The following CSMD3 variants were observed in gnomAD, a reference collection of about 807,000 sequenced individuals.
CSMD3 encodes CUB and sushi domain-containing protein 3.
In CSMD3, 177 loss-of-function variants were observed where a neutral mutation model predicts 435.2. The observed-to-expected ratio is 0.41, with a 90% CI of 0.36 to 0.46. The LOEUF is 0.46. CSMD3 is among the 20% of genes least tolerant of loss of function. The pLI is 0.34. For missense variants in CSMD3, 4,265 were observed against 4,504.6 expected (o/e 0.95, Z 1.52); for synonymous variants, 1,656 against 1,520.5 (o/e 1.09, Z -2.07).
chr8:113,371,396 C>T (rs1563754993), intron 1 of CSMD3, among the ~76,000 whole-genome samples: 1 of 151,970 alleles, frequency 6.6e-6, no homozygotes, highest in African/African-American at 2.4e-5. Context: ...AATACATATG[C>T]AACTGTGCAG....
At chr8:112,305,169 G>A (rs190713434) in intron 51 of CSMD3, among the ~76,000 whole-genome samples, 7 of 152,224 alleles carry the variant, frequency 4.6e-5, no homozygotes, top group Admixed American at 4.6e-4. Flanking sequence ...TAGAATCCCA[G>A]TTGTTGGCTT....
intron 23 of CSMD3, among the ~76,000 whole-genome samples, chr8:112,575,641 T>C (rs1829883174): frequency 6.6e-6 from 1 of 152,132 alleles, no homozygotes; most frequent in South Asian, 2.1e-4. Flanking sequence ...AATGTATCTG[T>C]CTTCAACAAA....
intron 28 of CSMD3, among the ~76,000 whole-genome samples, chr8:112,507,747 G>C (rs1822682977): frequency 6.6e-6 from 1 of 152,134 alleles, no homozygotes; most frequent in African/African-American, 2.4e-5. Context: ...TCTGTTCCTT[G>C]CATGAGTTGA....
chr8:112,564,954 A>C (rs950499507), intron 24 of CSMD3, among the ~76,000 whole-genome samples: 3 of 152,088 alleles, frequency 2.0e-5, no homozygotes, highest in Non-Finnish European at 2.9e-5. Flanking sequence ...ACTTGCCAGA[A>C]ATTAATTGTA....
chr8:112,512,711 C>G (rs1461205430), intron 28 of CSMD3, among the ~76,000 whole-genome samples: 1 of 152,154 alleles, frequency 6.6e-6, no homozygotes, highest in African/African-American at 2.4e-5. Flanking sequence ...TCAGCCTGTC[C>G]TTTGAAGCTT....
Position 112,292,074 on chromosome 8 carries a change from C to T in CSMD3, c.8789-379G>A, listed in dbSNP as rs1445794858. ...ACTTCTTTGCAAACTGGAAAAACAT[C>T]GAAGAGTTCTCCTTAATCTGTTTCT... On this transcript the variant is annotated intron_variant, in intron 55 of 70. Transcript: ENST00000297405. 2.6e-5 allele frequency among the ~76,000 whole-genome samples: 4 copies of T among 151,874 alleles called. No individual in the cohort carries two copies. The East Asian group carries it at 5.8e-4, about 22-fold the overall frequency.
Position 112,288,119 on chromosome 8 carries a change from G to A in CSMD3, c.9149-873C>T, listed in dbSNP as rs529870776. 1.1e-3 allele frequency among the ~76,000 whole-genome samples: 163 copies of A among 151,784 alleles called. 1 individual carries two copies. Among genetic ancestry groups the A allele is most frequent in the Middle Eastern group, 6.9e-3 (2 of 290 alleles). On this transcript the variant is annotated intron_variant, in intron 57 of 70. Transcript: ENST00000297405. ...CCTTTTTATATGCCTTGTGTATTTG[G>A]AATACTTCATTATATGTCCTTATTT...
intron 3 of CSMD3, among the ~76,000 whole-genome samples, chr8:113,225,421 G>A (rs2093015647): frequency 6.6e-6 from 1 of 151,380 alleles, no homozygotes; most frequent in Admixed American, 6.6e-5. Flanking sequence ...TCATCAGTGA[G>A]AATTTATCTG....
chr8:113,064,100 C>A (rs1304851762), intron 5 of CSMD3, among the ~76,000 whole-genome samples: 1 of 150,268 alleles, frequency 6.7e-6, no homozygotes, highest in Non-Finnish European at 1.5e-5. Context: ...CAGAAACTTG[C>A]CTAAAATTCA....
At chr8:112,621,052 A>G (rs930063763) in intron 22 of CSMD3, among the ~76,000 whole-genome samples, 1 of 152,018 alleles carries the variant, frequency 6.6e-6, no homozygotes, top group Non-Finnish European at 1.5e-5. Flanking sequence ...CCTGACCAAC[A>G]TGGAGAAACC....
chr8:113,376,781 G>A, intron 1 of CSMD3: 2 of 1,613,834 alleles, frequency 1.2e-6, no homozygotes, highest in Non-Finnish European at 1.7e-6. Context: ...TCCAGCAAAG[G>A]AACCAACTCC....
chr8:112,499,945 C>T (rs1408240155), intron 30 of CSMD3, among the ~76,000 whole-genome samples: 1 of 151,972 alleles, frequency 6.6e-6, no homozygotes, highest in Non-Finnish European at 1.5e-5. Flanking sequence ...CCCGTCTCTA[C>T]TAAAGATACA....
chr8:112,573,636 T>C lies in CSMD3; in HGVS notation c.3907A>G (p.Thr1303Ala), dbSNP rs1360189710. Residue 1303 changes from threonine to alanine, a missense_variant, in exon 24 of 71, where the codon ACG becomes GCG. Thr to Ala is a moderately conservative substitution (Grantham distance 58). Coordinates refer to ENST00000297405, the MANE Select transcript of CSMD3 (RefSeq NM_198123.2). ...VLKIYDGKDK[T>A]THLLGAFTGA... ...GTAAAAGCACCTAGTAGATGAGTCG[T>C]TTTATCTTTTCCATCATAAATCTGC... The C allele has an allele frequency of 4.3e-6, 7 of 1,612,104 alleles. No homozygotes were observed. Among genetic ancestry groups the C allele is most frequent in the Non-Finnish European group, 5.9e-6 (7 of 1,178,522 alleles).
chr8:112,332,243 A>G (rs1228875156), intron 45 of CSMD3, among the ~76,000 whole-genome samples: 2 of 152,172 alleles, frequency 1.3e-5, no homozygotes, highest in African/African-American at 2.4e-5. Context: ...AGTTTGGTAA[A>G]AAGAGTAAGT....
chr8:112,371,224 G>A (rs2131179842), intron 38 of CSMD3, among the ~76,000 whole-genome samples: 1 of 152,304 alleles, frequency 6.6e-6, no homozygotes, highest in East Asian at 1.9e-4. Flanking sequence ...CTCCTCTGAA[G>A]CAAGACTCCT....
At chr8:112,752,875 C>T (rs1406732666) in intron 13 of CSMD3, among the ~76,000 whole-genome samples, 9 of 150,812 alleles carry the variant, frequency 6.0e-5, no homozygotes, top group African/African-American at 2.2e-4. Context: ...TTTATTTTTT[C>T]TAAGCCCTTC....
chr8:112,483,934 G>A (rs1466643161), intron 31 of CSMD3, among the ~76,000 whole-genome samples: 3 of 152,156 alleles, frequency 2.0e-5, no homozygotes, highest in Non-Finnish European at 4.4e-5. Flanking sequence ...CCCAAAGAGA[G>A]GAAGCCATGT....
At chr8:112,367,047 G>A (rs1409537251) in intron 38 of CSMD3, among the ~76,000 whole-genome samples, 1 of 151,052 alleles carries the variant, frequency 6.6e-6, no homozygotes, top group African/African-American at 2.4e-5. Context: ...ACCTTGCTTT[G>A]TATGTCTGTA....
chr8:112,540,260 C>T (rs1208816659), intron 27 of CSMD3, among the ~76,000 whole-genome samples: 3 of 151,802 alleles, frequency 2.0e-5, no homozygotes, highest in Non-Finnish European at 2.9e-5. Flanking sequence ...GTTAAAATGG[C>T]TATCAGAAAG....
Sources: allele counts gnomAD v4.1 joint callset (sites outside exome capture counted in the v4.1 genomes callset), GRCh38; gene constraint gnomAD v4.1.1; transcripts MANE v1.5; gene names NCBI Gene and HGNC (gene_info 2026-07-23, HGNC 2026-07-21).